Variants in TTC29 observed in about 807,000 individuals in gnomAD.
TTC29 encodes tetratricopeptide repeat domain 29.
A neutral mutation model predicts 58.1 loss-of-function variants in TTC29; 49 were observed. The observed-to-expected ratio is 0.84, with a 90% CI of 0.67 to 1.07. TTC29 has a LOEUF of 1.07. Among genes scored for constraint, TTC29 ranks in the 50% least tolerant of loss-of-function variants. The pLI is 0.00. For synonymous variants in TTC29, 209 were observed against 196.8 expected (o/e 1.06, Z -0.52); for missense variants, 582 against 555.6 (o/e 1.05, Z -0.48).
In TTC29 at chr4:146,880,248, C is replaced by G. The variant is rs140679729; in HGVS notation, c.587-5320G>C. Among the ~76,000 whole-genome samples, 742 of 152,220 alleles carry G rather than the reference C, an allele frequency of 4.9e-3. 4 individuals carry two copies. The highest frequency in any genetic ancestry group is 6.1e-3 in the Non-Finnish European group (413 of 67,996). On this transcript the variant is annotated intron_variant, in intron 6 of 12. Coordinates refer to ENST00000325106, the MANE Select transcript of TTC29 (RefSeq NM_031956.4). ...TCAAACAAGAGTATCCAGGTATGAA[C>G]AGAAATAGCCTAAGCCTCAGTTTTG...
At chr4:146,838,877 C>T (rs1211001284) in intron 8 of TTC29, among the ~76,000 whole-genome samples, 1 of 151,950 alleles carries the variant, frequency 6.6e-6, no homozygotes, top group Non-Finnish European at 1.5e-5. Context: ...TAAAATTCTA[C>T]CAGTCTTGGC....
At chr4:146,724,281 C>A (rs1193452230) in intron 11 of TTC29, among the ~76,000 whole-genome samples, 1 of 152,110 alleles carries the variant, frequency 6.6e-6, no homozygotes, top group Non-Finnish European at 1.5e-5. Flanking sequence ...GCTATGCTCG[C>A]AATTTGGGTG....
chr4:146,810,121 G>C (rs1220813276), intron 10 of TTC29, among the ~76,000 whole-genome samples: 1 of 152,142 alleles, frequency 6.6e-6, no homozygotes, highest in Non-Finnish European at 1.5e-5. Flanking sequence ...TATGGACATG[G>C]ATGAAGCTAG....
intron 11 of TTC29, among the ~76,000 whole-genome samples, chr4:146,767,851 G>A (rs1372019417): frequency 6.6e-6 from 1 of 151,906 alleles, no homozygotes; most frequent in Non-Finnish European, 1.5e-5. Context: ...AAATGGAGAG[G>A]TCCCCCTTGT....
chr4:146,714,798 A>G (rs1742805465), intron 11 of TTC29, among the ~76,000 whole-genome samples: 1 of 152,168 alleles, frequency 6.6e-6, no homozygotes, highest in Admixed American at 6.5e-5. Flanking sequence ...AATGAAGAGC[A>G]TCAGAGGTAA....
intron 8 of TTC29, among the ~76,000 whole-genome samples, chr4:146,843,304 C>T (rs753939951): frequency 9.2e-5 from 14 of 152,120 alleles, no homozygotes; most frequent in Non-Finnish European, 1.3e-4. Flanking sequence ...TTAGGGATGT[C>T]GCTTTGTAAA....
chr4:146,777,567 C>T (rs1352887207), intron 11 of TTC29, among the ~76,000 whole-genome samples: 1 of 152,122 alleles, frequency 6.6e-6, no homozygotes, highest in Non-Finnish European at 1.5e-5. Flanking sequence ...ATGCTGTTTA[C>T]AATTCATGTA....
At chr4:146,911,049 C>T (rs905061419) in intron 4 of TTC29, among the ~76,000 whole-genome samples, 3 of 152,126 alleles carry the variant, frequency 2.0e-5, no homozygotes, top group East Asian at 3.9e-4. Context: ...CACTCATATC[C>T]TGCTTCCCAT....
chr4:146,903,488 G>T, intron 6 of TTC29, 56 bp downstream of exon 6: 1 of 1,450,704 alleles, frequency 6.9e-7, no homozygotes, highest in Admixed American at 2.2e-5. Flanking sequence ...TTTCCATTGT[G>T]TGATCTCAGG....
In TTC29 at chr4:146,874,996, C is replaced by T. The variant is rs566648290; in HGVS notation, c.587-68G>A. On this transcript the variant is annotated intron_variant, in intron 6 of 12. Transcript: ENST00000325106. The stretch of plus-strand genomic sequence containing the variant: ...AACGTATTTTCAGAAATTTTGCATA[C>T]GTTTTAGCTTTATTATTCAATGGAG... The T allele has an allele frequency of 4.6e-5, 57 of 1,228,724 alleles. No individual in the cohort carries two copies. The Admixed American group carries it at 6.1e-4, about 13-fold the overall frequency. The allele number at this position is 1,228,724 out of a possible 1,614,324, so 76.1% of individuals were successfully genotyped here. A position where few individuals can be genotyped will look rare whatever the true frequency, so the allele number is the denominator to read the frequency against.
intron 4 of TTC29, among the ~76,000 whole-genome samples, chr4:146,936,292 TG>T (rs1179827887): frequency 2.6e-5 from 4 of 152,228 alleles, no homozygotes; most frequent in African/African-American, 9.6e-5. Flanking sequence ...AAAACTTAAA[TG>T]TCAGTAGACT....
chr4:146,933,008 A>T (rs1375975280), intron 4 of TTC29, among the ~76,000 whole-genome samples: 1 of 152,064 alleles, frequency 6.6e-6, no homozygotes. Flanking sequence ...CAGTGAGCTG[A>T]GATCGCACCA....
intron 11 of TTC29, among the ~76,000 whole-genome samples, chr4:146,787,390 G>A (rs968762418): frequency 6.6e-6 from 1 of 152,114 alleles, no homozygotes; most frequent in Non-Finnish European, 1.5e-5. Flanking sequence ...AATTGTATGC[G>A]TGTGTGTTTG....
intron 6 of TTC29, among the ~76,000 whole-genome samples, chr4:146,879,773 A>G (rs1303376505): frequency 6.6e-6 from 1 of 152,172 alleles, no homozygotes; most frequent in Admixed American, 6.6e-5. Context: ...ATTATTTTCC[A>G]TCAAGGAATA....
intron 4 of TTC29, among the ~76,000 whole-genome samples, chr4:146,914,494 A>C (rs1734091994): frequency 6.6e-6 from 1 of 152,180 alleles, no homozygotes; most frequent in South Asian, 2.1e-4. Context: ...ATACTGGATG[A>C]AAATAGAGAA....
intron 11 of TTC29, among the ~76,000 whole-genome samples, chr4:146,708,054 C>A (rs1241603591): frequency 6.6e-6 from 1 of 151,822 alleles, no homozygotes; most frequent in East Asian, 1.9e-4. Flanking sequence ...AAGTCTCCAG[C>A]CTGTGAGTGA....
intron 9 of TTC29, among the ~76,000 whole-genome samples, chr4:146,828,475 G>A (rs865796991): frequency 1.3e-5 from 2 of 151,988 alleles, no homozygotes; most frequent in Non-Finnish European, 2.9e-5. Flanking sequence ...CAAAACCTTA[G>A]GGAAAATTAT....
rs529463367 is a variant in TTC29 at position 146,825,927 on chromosome 4, C to T, written c.978-5679G>A. On this transcript the variant is annotated intron_variant, in intron 9 of 12. Coordinates refer to ENST00000325106, the MANE Select transcript of TTC29 (RefSeq NM_031956.4). ...TTGTCAGAGACTAGGATTGCAACCCCTGCTTTTTTTTTTAAAAAAATTTCC... is the reference window on the plus strand; with the variant it reads ...TTGTCAGAGACTAGGATTGCAACCCTTGCTTTTTTTTTTAAAAAAATTTCC... Among the ~76,000 whole-genome samples the T allele has an allele frequency of 6.0e-5, 9 of 149,152 alleles. No homozygotes were observed. In the South Asian group the frequency reaches 1.7e-3, roughly 28 times the overall value.
intron 4 of TTC29, among the ~76,000 whole-genome samples, chr4:146,911,939 G>T (rs558211107): frequency 4.3e-4 from 66 of 152,272 alleles, no homozygotes; most frequent in Admixed American, 7.8e-4. Flanking sequence ...AGCTATGTCT[G>T]CAAAGATGGA....
Sources: gnomAD v4.1 joint callset for allele counts (sites outside exome capture counted in the v4.1 genomes callset) on GRCh38, gnomAD v4.1.1 for gene constraint, MANE v1.5 for transcripts, NCBI Gene and HGNC (gene_info 2026-07-23, HGNC 2026-07-21) for gene names.